The following MPPED1 variants were observed in gnomAD, a reference collection of about 807,000 sequenced individuals.
MPPED1 encodes the protein metallophosphoesterase domain-containing protein 1.
MPPED1 carries 16 observed loss-of-function variants against 36.2 expected under a neutral mutation model. The observed-to-expected ratio is 0.44, with a 90% CI of 0.30 to 0.67. The LOEUF is 0.67. Among genes scored for constraint, MPPED1 ranks in the 30% least tolerant of loss-of-function variants. MPPED1 has a pLI of 0.10. For missense variants in MPPED1, 307 were observed against 453.4 expected (o/e 0.68, Z 2.93); for synonymous variants, 199 against 191.3 (o/e 1.04, Z -0.33).
At chr22:43,441,739 C>T (rs1227009177) in intron 3 of MPPED1, among the ~76,000 whole-genome samples, 1 of 152,148 alleles carries the variant, frequency 6.6e-6, no homozygotes, top group Non-Finnish European at 1.5e-5. Flanking sequence ...TGCAAGTAAA[C>T]CCTTAATTAA....
At chr22:43,432,204 C>CAGAGAG (rs1324789966) in intron 2 of MPPED1, among the ~76,000 whole-genome samples, 8 of 35,026 alleles carry the variant, frequency 2.3e-4, no homozygotes, top group Non-Finnish European at 5.3e-4. Context: ...CAGAGGCACA[C>CAGAGAG]AGAGAGAGAG....
chr22:43,463,977 C>G (rs529256645), intron 3 of MPPED1, among the ~76,000 whole-genome samples: 1 of 151,624 alleles, frequency 6.6e-6, no homozygotes. Flanking sequence ...GACGTGATCT[C>G]GACTGACTGC....
At chr22:43,442,754 C>T (rs899640430) in intron 3 of MPPED1, among the ~76,000 whole-genome samples, 6 of 152,214 alleles carry the variant, frequency 3.9e-5, no homozygotes, top group Non-Finnish European at 7.3e-5. Flanking sequence ...CCTTCTCCCT[C>T]ATGGAGCGTC....
chr22:43,448,523 G>A lies in MPPED1; in HGVS notation c.406+13308G>A, dbSNP rs193246526. Among the ~76,000 whole-genome samples the A allele has an allele frequency of 1.3e-3, 192 of 152,284 alleles. 2 individuals are homozygous for A. Among genetic ancestry groups the A allele is most frequent in the Non-Finnish European group, 8.1e-4 (55 of 68,024 alleles). ...GAGAAATCTTGTCTAAGGTCATACG[G>A]CAAAGAAAAGTGGAGTCAGGATTCC... On this transcript the variant is annotated intron_variant, in intron 3 of 6. Transcript: ENST00000443721.
Position 43,505,859 on chromosome 22 carries a change from C to T in MPPED1, c.*243C>T, listed in dbSNP as rs886604132. 34 of 473,996 alleles carry T rather than the reference C, an allele frequency of 7.2e-5. No individual in the cohort carries two copies. Among genetic ancestry groups the T allele is most frequent in the East Asian group, 6.8e-4 (20 of 29,304 alleles). The allele number at this position is 473,996 out of a possible 1,614,324, so 29.4% of individuals were successfully genotyped here. ...CTGCGTGTACATCCTGCGTGTACCT[C>T]GTTAAAGGACCTACTAAGCTCATGG... On this transcript the variant is annotated 3_prime_UTR_variant, in exon 7 of 7. Transcript: ENST00000443721.
At chr22:43,466,356 A>G (rs918707086) in intron 3 of MPPED1, among the ~76,000 whole-genome samples, 1 of 152,062 alleles carries the variant, frequency 6.6e-6, no homozygotes, top group African/African-American at 2.4e-5. Flanking sequence ...GGGAAGCCAG[A>G]CCTGGGTCCC....
intron 4 of MPPED1, among the ~76,000 whole-genome samples, chr22:43,486,943 A>T (rs1931930928): frequency 6.6e-6 from 1 of 152,156 alleles, no homozygotes; most frequent in Non-Finnish European, 1.5e-5. Context: ...GACTGTTTTC[A>T]TCGCTGATAT....
chr22:43,471,916 A>G (rs1202784877), intron 3 of MPPED1, among the ~76,000 whole-genome samples: 1 of 152,228 alleles, frequency 6.6e-6, no homozygotes, highest in East Asian at 1.9e-4. Flanking sequence ...AGGGGCTTGT[A>G]GAATCTCATC....
At chr22:43,498,488 G>C in intron 5 of MPPED1, 138 bp downstream of exon 5, 1 of 606,552 alleles carries the variant, frequency 1.6e-6, no homozygotes, top group Non-Finnish European at 2.8e-6. Context: ...CTGAGGACAC[G>C]TCGCCCCATG....
chr22:43,494,877 C>T (rs1215192360), intron 4 of MPPED1, among the ~76,000 whole-genome samples: 1 of 152,154 alleles, frequency 6.6e-6, no homozygotes, highest in African/African-American at 2.4e-5. Context: ...GACCCACTTC[C>T]TGGTTCATAG....
At chr22:43,436,840 T>C (rs1370695994) in intron 3 of MPPED1, among the ~76,000 whole-genome samples, 2 of 152,220 alleles carry the variant, frequency 1.3e-5, no homozygotes, top group East Asian at 3.9e-4. Context: ...AACAGCTACT[T>C]GAGGTGGCTA....
intron 3 of MPPED1, among the ~76,000 whole-genome samples, chr22:43,462,673 C>A (rs948699717): frequency 6.6e-6 from 1 of 152,198 alleles, no homozygotes; most frequent in African/African-American, 2.4e-5. Flanking sequence ...GCTTTAAACA[C>A]CCCTCTGTAG....
At chr22:43,457,075 T>G (rs1930780860) in intron 3 of MPPED1, among the ~76,000 whole-genome samples, 1 of 152,218 alleles carries the variant, frequency 6.6e-6, no homozygotes, top group Non-Finnish European at 1.5e-5. Context: ...TCTGTGGTTT[T>G]CTTTTCTTGT....
At chr22:43,451,915 C>T (rs1263467648) in intron 3 of MPPED1, among the ~76,000 whole-genome samples, 1 of 152,210 alleles carries the variant, frequency 6.6e-6, no homozygotes, top group African/African-American at 2.4e-5. Context: ...GTGTGGGCTG[C>T]TCCTGCCGGA....
chr22:43,494,001 G>C (rs562169883), intron 4 of MPPED1, among the ~76,000 whole-genome samples: 2 of 152,196 alleles, frequency 1.3e-5, no homozygotes, highest in South Asian at 2.1e-4. Flanking sequence ...CTTTTGGGGG[G>C]CTCTGAGGGA....
chr22:43,464,131 ACTC>A (rs1312429947), intron 3 of MPPED1, among the ~76,000 whole-genome samples: 1 of 150,638 alleles, frequency 6.6e-6, no homozygotes, highest in Non-Finnish European at 1.5e-5. Context: ...CTGGTCTTGA[ACTC>A]CTGACCTCAG....
chr22:43,443,125 T>C (rs1601962708), intron 3 of MPPED1, among the ~76,000 whole-genome samples: 1 of 151,592 alleles, frequency 6.6e-6, no homozygotes, highest in Admixed American at 6.6e-5. Flanking sequence ...GTGACTGGAG[T>C]GGAAAGCTCC....
At chr22:43,486,976 T>C (rs1931931921) in intron 4 of MPPED1, among the ~76,000 whole-genome samples, 1 of 152,124 alleles carries the variant, frequency 6.6e-6, no homozygotes, top group Admixed American at 6.5e-5. Flanking sequence ...TTCCTGACTG[T>C]CAGGGACTCT....
intron 2 of MPPED1, among the ~76,000 whole-genome samples, chr22:43,432,658 AG>A (rs1569067367): frequency 0.017 from 7 of 408 alleles, no homozygotes; most frequent in South Asian, 0.1. Context: ...AGAGAAAGGG[AG>A]GAGAGAGAGA....
Sources: allele counts gnomAD v4.1 joint callset (sites outside exome capture counted in the v4.1 genomes callset), GRCh38; gene constraint gnomAD v4.1.1; transcripts MANE v1.5; gene names NCBI Gene and HGNC (gene_info 2026-07-23, HGNC 2026-07-21).